Variants in UPF1 observed in about 807,000 individuals in gnomAD.
The protein encoded by UPF1 is regulator of nonsense transcripts 1.
A neutral mutation model predicts 129.2 loss-of-function variants in UPF1; 9 were observed. That is an observed-to-expected ratio of 0.07 (90% CI 0.04 to 0.12). The LOEUF (loss-of-function observed/expected upper bound fraction) is 0.12. Ranked by LOEUF, UPF1 falls within the 10% of genes least tolerant of loss-of-function variation. UPF1 has a pLI of 1.00. For synonymous variants in UPF1, 649 were observed against 644.9 expected (o/e 1.01, Z -0.10); for missense variants, 788 against 1,525.3 (o/e 0.52, Z 8.05).
chr19:18,864,756 T>A (rs970426774), intron 20 of UPF1, among the ~76,000 whole-genome samples: 1 of 148,188 alleles, frequency 6.7e-6, no homozygotes, highest in East Asian at 2.0e-4. Flanking sequence ...TTTTTTTTTT[T>A]GGAGACCGAG....
chr19:18,838,370 C>T (rs532930785), intron 1 of UPF1, among the ~76,000 whole-genome samples: 12 of 151,980 alleles, frequency 7.9e-5, no homozygotes, highest in East Asian at 3.9e-4. Flanking sequence ...AAATCCAGGC[C>T]GGGCTTGGTG....
At chr19:18,858,877 A>G (rs2055746555) in intron 15 of UPF1, among the ~76,000 whole-genome samples, 1 of 152,222 alleles carries the variant, frequency 6.6e-6, no homozygotes, top group Non-Finnish European at 1.5e-5. Context: ...GTTATCCAAT[A>G]AACAAAAGCT....
At position 18,852,182 on chromosome 19, in the gene UPF1, C is replaced by T. The variant is rs1477145104; in HGVS notation, c.858C>T (p.Asp286=). ...AGGACCTGGAGAAGCCGGGGGTGGA[C>T]GAGGAGCCGCAGCATGTCCTCCTGC... ...TLEDLEKPGV[D]EEPQHVLLRY... The change falls in exon 6 of 24, where the codon GAC becomes GAT. Residue 286 remains aspartate, a synonymous_variant. Coordinates refer to ENST00000262803, the MANE Select transcript of UPF1 (RefSeq NM_002911.4). 8 of 1,613,200 alleles carry T rather than the reference C, an allele frequency of 5.0e-6. No individual in the cohort carries two copies. Among genetic ancestry groups the T allele is most frequent in the East Asian group, 2.2e-5 (1 of 44,834 alleles).
rs773369963 is a variant in UPF1, at chr19:18,862,141, G to A, written c.2589G>A (p.Leu863=). The A allele has an allele frequency of 6.2e-7, 1 of 1,613,868 alleles. No homozygotes were observed. The highest frequency in any genetic ancestry group is 1.1e-5 in the South Asian group (1 of 91,076). ...LNDPRRLNVA[L]TRARYGVIIV... is the part of the protein sequence containing the mutation. ...ACCCCAGGCGTCTGAACGTGGCCCT[G>A]ACCAGAGCAAGGTAGGGAGGCTGCC... The change falls in exon 18 of 24, where the codon CTG becomes CTA. Residue 863 remains leucine, a synonymous_variant. Transcript: ENST00000262803.
rs896601319 is a variant in UPF1 at position 18,867,035 on chromosome 19, T to A, written c.*518T>A. The A allele has an allele frequency of 1.3e-5, 2 of 152,660 alleles. No homozygotes were observed. The highest frequency in any genetic ancestry group is 4.8e-5 in the African/African-American group (2 of 41,470). The allele number at this position is 152,660 out of a possible 1,614,324, so 9.5% of individuals were successfully genotyped here. A position where few individuals can be genotyped will look rare whatever the true frequency, so the allele number is the denominator to read the frequency against. ...TGCCTGTGTTCTCCGAGGGCCTTCA[T>A]TTAAAGAAAATAAGGGTGTTTTGGG... is the stretch of plus-strand genomic sequence containing the variant. On this transcript the variant is annotated 3_prime_UTR_variant, in exon 24 of 24. Coordinates refer to ENST00000262803, the MANE Select transcript of UPF1 (RefSeq NM_002911.4).
intron 1 of UPF1, among the ~76,000 whole-genome samples, chr19:18,835,582 C>T (rs1464893495): frequency 2.0e-5 from 3 of 152,160 alleles, no homozygotes; most frequent in Admixed American, 6.5e-5. Context: ...CCATGTGGTC[C>T]ACTTGCCTCG....
At chr19:18,863,846 G>A (rs887723225) in intron 19 of UPF1, among the ~76,000 whole-genome samples, 4 of 152,188 alleles carry the variant, frequency 2.6e-5, no homozygotes, top group Non-Finnish European at 5.9e-5. Context: ...TGGGCTCAGG[G>A]CTGCTGTGCT....
At chr19:18,856,828 G>A (rs2055723632) in intron 13 of UPF1, 49 bp from the exon 14 acceptor site, 1 of 1,564,618 alleles carries the variant, frequency 6.4e-7, no homozygotes, top group Non-Finnish European at 8.7e-7. Flanking sequence ...TCCGGGGTCT[G>A]GTGGCGTTTA....
intron 1 of UPF1, among the ~76,000 whole-genome samples, chr19:18,838,370 C>G (rs532930785): frequency 6.6e-6 from 1 of 151,862 alleles, no homozygotes; most frequent in East Asian, 1.9e-4. Flanking sequence ...AAATCCAGGC[C>G]GGGCTTGGTG....
At chr19:18,856,451 T>A in intron 13 of UPF1, 151 bp downstream of exon 13, 1 of 736,248 alleles carries the variant, frequency 1.4e-6, no homozygotes, top group Non-Finnish European at 2.2e-6. Context: ...AGTTGTACAG[T>A]AAATTAGGGA....
intron 15 of UPF1, among the ~76,000 whole-genome samples, chr19:18,857,907 G>A (rs924643177): frequency 6.6e-6 from 1 of 152,228 alleles, no homozygotes; most frequent in African/African-American, 2.4e-5. Flanking sequence ...CCTGGGGCCC[G>A]CAAGACCGTG....
At chr19:18,839,631 C>T (rs907655130) in intron 1 of UPF1, among the ~76,000 whole-genome samples, 7 of 152,214 alleles carry the variant, frequency 4.6e-5, no homozygotes, top group Non-Finnish European at 8.8e-5. Flanking sequence ...CCCATGCTCC[C>T]CCGCCTTTAA....
chr19:18,860,384 A>C lies in UPF1; in HGVS notation c.2246A>C (p.Tyr749Ser). ...CAACCCGATAAACCGATGTTCTTCT[A>C]CGTGACCCAGGGCCAAGAGGAGATT... is the stretch of plus-strand genomic sequence containing the variant. Reference protein sequence around the residue: ...WPQPDKPMFFYVTQGQEEIAS... With the variant: ...WPQPDKPMFFSVTQGQEEIAS... The change falls in exon 16 of 24, where the codon TAC (tyrosine) becomes TCC (serine). Residue 749 changes from tyrosine (Y) to serine (S), a missense_variant. Tyr to Ser is a moderately radical substitution (Grantham distance 144, BLOSUM62 -2). Coordinates refer to ENST00000262803, the MANE Select transcript of UPF1 (RefSeq NM_002911.4). The C allele has an allele frequency of 6.2e-7, 1 of 1,614,064 alleles. No homozygotes were observed. Among genetic ancestry groups the C allele is most frequent in the Non-Finnish European group, 8.5e-7 (1 of 1,180,006 alleles).
At position 18,865,325 on chromosome 19, in the gene UPF1, A is replaced by G; in HGVS notation, c.2894A>G (p.Gln965Arg). 1 of 1,613,260 alleles carries G rather than the reference A, an allele frequency of 6.2e-7. No individual in the cohort carries two copies. Among genetic ancestry groups the G allele is most frequent in the Non-Finnish European group, 8.5e-7 (1 of 1,179,424 alleles). ...PSSMYFQTHD[Q>R]IGMISAGPSH... ...AGCATGTACTTCCAGACCCATGACC[A>G]GATTGGCATGATCAGTGCCGGCCCT... is the stretch of plus-strand genomic sequence containing the variant. Residue 965 changes from glutamine to arginine, a missense_variant, in exon 21 of 24, where the codon CAG becomes CGG. By Grantham distance (43) the Gln-to-Arg change is conservative (BLOSUM62 1). Transcript: ENST00000262803. The surrounding 1 kb of genome is among the most constrained non-coding windows in gnomAD (Gnocchi z 6.1).
Position 18,864,151 on chromosome 19 carries a change from C to G in UPF1, c.2776-19C>G, listed in dbSNP as rs1474715061. ...TTCTGTTGAGATGACAAATTCCTCACCTATCTAAACCTTCGCAGGGAGCCC... is the reference window on the plus strand; with the variant it reads ...TTCTGTTGAGATGACAAATTCCTCAGCTATCTAAACCTTCGCAGGGAGCCC... On this transcript the variant is annotated intron_variant, in intron 19 of 23. Coordinates refer to ENST00000262803, the MANE Select transcript of UPF1 (RefSeq NM_002911.4). 1 of 1,611,410 alleles carries G rather than the reference C, an allele frequency of 6.2e-7. No individual in the cohort carries two copies. Among genetic ancestry groups the G allele is most frequent in the African/African-American group, 1.3e-5 (1 of 74,894 alleles).
chr19:18,867,235 A>T lies in UPF1; in HGVS notation c.*718A>T, dbSNP rs980023932. ...GCAACACCTGTGCCGCGGCCGGAGG[A>T]GTTTTGTTGTTGGTTTTAGCTTCCA... is the stretch of plus-strand genomic sequence containing the variant. On this transcript the variant is annotated 3_prime_UTR_variant, in exon 24 of 24. Transcript: ENST00000262803. 1.3e-5 allele frequency: 2 copies of T among 151,980 alleles called. No individual in the cohort carries two copies. The highest frequency in any genetic ancestry group is 1.3e-4 in the Admixed American group (2 of 15,274). 9.4% of individuals were successfully genotyped at this position (151,980 alleles called of 1,614,324 possible). A position where few individuals can be genotyped will look rare whatever the true frequency, so the allele number is the denominator to read the frequency against.
rs990346459 is a variant in UPF1 at position 18,863,713 on chromosome 19, A to T, written c.2775+101A>T. 60 of 998,580 alleles carry T rather than the reference A, an allele frequency of 6.0e-5. No individual in the cohort carries two copies. Among genetic ancestry groups the T allele is most frequent in the Middle Eastern group, 4.2e-4 (1 of 2,404 alleles). 61.9% of individuals were successfully genotyped at this position (998,580 alleles called of 1,614,324 possible). Reference sequence around the variant, plus strand: ...GGCCCGTGTGCCCGTGAGCTGAGGGAGGGCTCTCCTAGGGGAGGGTGGGCT... The same window carrying T: ...GGCCCGTGTGCCCGTGAGCTGAGGGTGGGCTCTCCTAGGGGAGGGTGGGCT... On this transcript the variant is annotated intron_variant, in intron 19 of 23. Transcript: ENST00000262803.
At chr19:18,854,556 T>G in intron 8 of UPF1, 45 bp from the exon 9 acceptor site, 1 of 1,535,910 alleles carries the variant, frequency 6.5e-7, no homozygotes. Context: ...CCCAGAAAGG[T>G]CAGCCCGGCT....
rs1601138844 is a variant in UPF1 at position 18,867,795 on chromosome 19, T to G, written c.*1278T>G. The stretch of plus-strand genomic sequence containing the variant: ...GAACGCCTGGCTTGGGGTGTCATTC[T>G]GCCTGGCGGCCAGGCCTCCAGCTTC... On this transcript the variant is annotated 3_prime_UTR_variant, in exon 24 of 24. Transcript: ENST00000262803. 1 of 152,358 alleles carries G rather than the reference T, an allele frequency of 6.6e-6. No individual in the cohort carries two copies. Among genetic ancestry groups the G allele is most frequent in the African/African-American group, 2.4e-5 (1 of 41,472 alleles). The allele number at this position is 152,358 out of a possible 1,614,324, so 9.4% of individuals were successfully genotyped here. A position where few individuals can be genotyped will look rare whatever the true frequency, so the allele number is the denominator to read the frequency against.
Sources: allele counts gnomAD v4.1 joint callset (sites outside exome capture counted in the v4.1 genomes callset), GRCh38; gene constraint gnomAD v4.1.1; non-coding constraint Gnocchi (gnomAD v3.1); transcripts MANE v1.5; gene names NCBI Gene and HGNC (gene_info 2026-07-23, HGNC 2026-07-21).